The following RBFOX3 variants were observed in gnomAD, a reference collection of about 807,000 sequenced individuals.
RBFOX3 encodes the protein RNA binding fox-1 homolog 3, also known as RNA binding protein fox-1 homolog 3.
RBFOX3 carries 17 observed loss-of-function variants against 48.7 expected under a neutral mutation model. The observed-to-expected ratio is 0.35, with a 90% CI of 0.24 to 0.52. The LOEUF is 0.52. RBFOX3 is among the 20% of genes least tolerant of loss of function. The pLI is 0.94. For missense variants in RBFOX3, 382 were observed against 497.5 expected, an observed-to-expected ratio of 0.77 and a Z score of 2.21; for synonymous variants, 212 against 209.5, an observed-to-expected ratio of 1.01 and a Z score of -0.10.
intron 2 of RBFOX3, among the ~76,000 whole-genome samples, chr17:79,327,017 G>A (rs1363829946): frequency 6.6e-6 from 1 of 152,220 alleles, no homozygotes; most frequent in African/African-American, 2.4e-5. Flanking sequence ...CCAAGCCCAT[G>A]CCTCCTGGCT....
chr17:79,144,206 C>A (rs573375665), intron 4 of RBFOX3, among the ~76,000 whole-genome samples: 1 of 152,340 alleles, frequency 6.6e-6, no homozygotes, highest in African/African-American at 2.4e-5. Context: ...GCCCTCCAAG[C>A]CGTCCTGGCA....
At chr17:79,518,676 C>T (rs1243814690) in intron 1 of RBFOX3, among the ~76,000 whole-genome samples, 2 of 152,248 alleles carry the variant, frequency 1.3e-5, no homozygotes, top group African/African-American at 4.8e-5. Context: ...CAAGCCAGGC[C>T]TCAGGCTCCC....
In RBFOX3 at chr17:79,209,580, G is replaced by A. The variant is rs1246855288; in HGVS notation, c.-34+26186C>T. ...CCTCTGCAGAGAGATGAACCACCTC[G>A]GTACCCCAGTGTCCAGCATAGGTGT... On this transcript the variant is annotated intron_variant, in intron 4 of 14. Coordinates refer to ENST00000693108, the MANE Select transcript of RBFOX3 (RefSeq NM_001350451.2). Among the ~76,000 whole-genome samples, 5 of 152,148 alleles carry A rather than the reference G, an allele frequency of 3.3e-5. No individual in the cohort carries two copies. The South Asian group carries it at 6.2e-4, about 19-fold the overall frequency.
chr17:79,221,921 G>C (rs898120878), intron 4 of RBFOX3, among the ~76,000 whole-genome samples: 4 of 152,206 alleles, frequency 2.6e-5, no homozygotes, highest in African/African-American at 4.8e-5. Flanking sequence ...GGTGCAGATG[G>C]GGAGGGGTGC....
chr17:79,318,158 G>A (rs2077806152), intron 2 of RBFOX3, among the ~76,000 whole-genome samples: 1 of 152,160 alleles, frequency 6.6e-6, no homozygotes, highest in Non-Finnish European at 1.5e-5. Context: ...CCATGGTGAT[G>A]GCTGATTCCT....
intron 4 of RBFOX3, among the ~76,000 whole-genome samples, chr17:79,226,447 G>C (rs563419142): frequency 6.6e-6 from 1 of 152,214 alleles, no homozygotes; most frequent in Non-Finnish European, 1.5e-5. Flanking sequence ...TGGTATTCAC[G>C]GGGAGGTGGG....
intron 4 of RBFOX3, among the ~76,000 whole-genome samples, chr17:79,138,654 C>T (rs1194234134): frequency 8.2e-6 from 1 of 122,582 alleles, no homozygotes; most frequent in Non-Finnish European, 1.9e-5. Context: ...CACGCACATA[C>T]ACAGCACATG....
At chr17:79,411,346 A>G (rs1164447171) in intron 2 of RBFOX3, among the ~76,000 whole-genome samples, 1 of 152,088 alleles carries the variant, frequency 6.6e-6, no homozygotes, top group African/African-American at 2.4e-5. Flanking sequence ...ACTGAGACTC[A>G]TTCTGGAATT....
intron 4 of RBFOX3, among the ~76,000 whole-genome samples, chr17:79,183,698 T>TGTGCGTGTGTGAGTGCGCGC (rs1372329831): frequency 6.6e-6 from 1 of 151,898 alleles, no homozygotes; most frequent in Non-Finnish European, 1.5e-5. Flanking sequence ...GAGTGGTGCG[T>TGTGCGTGTGTGAGTGCGCGC]GTGCGTGTGT....
chr17:79,274,465 G>C (rs73999978), intron 3 of RBFOX3, among the ~76,000 whole-genome samples: 1 of 152,158 alleles, frequency 6.6e-6, no homozygotes, highest in Non-Finnish European at 1.5e-5. Context: ...ACTCAGGCGC[G>C]AGGGAACTCC....
chr17:79,393,964 G>C (rs865877833), intron 2 of RBFOX3, among the ~76,000 whole-genome samples: 1 of 149,802 alleles, frequency 6.7e-6, no homozygotes, highest in Non-Finnish European at 1.5e-5. Flanking sequence ...CGGTCACCAC[G>C]CACATCGTCT....
intron 5 of RBFOX3, among the ~76,000 whole-genome samples, chr17:79,115,153 C>A (rs1450112384): frequency 6.6e-6 from 1 of 152,236 alleles, no homozygotes; most frequent in Non-Finnish European, 1.5e-5. Context: ...GAGGACACCT[C>A]CCAGCTGGGG....
At chr17:79,385,945 G>T (rs927089208) in intron 2 of RBFOX3, among the ~76,000 whole-genome samples, 30 of 145,102 alleles carry the variant, frequency 2.1e-4, no homozygotes, top group Non-Finnish European at 1.1e-4. Flanking sequence ...ATTGCGGACA[G>T]GAGCTCCATC....
At chr17:79,138,946 CCT>C (rs2041240352) in intron 4 of RBFOX3, among the ~76,000 whole-genome samples, 1 of 134,044 alleles carries the variant, frequency 7.5e-6, no homozygotes, top group African/African-American at 2.9e-5. Flanking sequence ...TTCACACCCC[CCT>C]CAGCCCCACA....
Position 79,390,305 on chromosome 17 carries a change from ACTT to A in RBFOX3, c.-174-82484_-174-82482del, listed in dbSNP as rs1219375768. ...TGGCAGACACCAGCATCCCGGGGGG[ACTT>A]CTTAGACTCCACTCTGAGTTTGGCT... On this transcript the variant is annotated intron_variant, in intron 2 of 14. Transcript: ENST00000693108. This position sits in a 1 kb window ranked among gnomAD's most constrained non-coding sequence, Gnocchi z 4.2. Among the ~76,000 whole-genome samples the A allele has an allele frequency of 6.6e-6, 1 of 151,796 alleles. No individual in the cohort carries two copies. Among genetic ancestry groups the A allele is most frequent in the African/African-American group, 2.4e-5 (1 of 41,276 alleles).
At chr17:79,412,408 GTGAA>G (rs1444727310) in intron 2 of RBFOX3, among the ~76,000 whole-genome samples, 1 of 151,436 alleles carries the variant, frequency 6.6e-6, no homozygotes, top group Non-Finnish European at 1.5e-5. Flanking sequence ...ATGGGTGTGA[GTGAA>G]TGTGTGTGAG....
intron 2 of RBFOX3, among the ~76,000 whole-genome samples, chr17:79,425,837 G>C (rs1477230943): frequency 2.0e-5 from 3 of 152,096 alleles, no homozygotes; most frequent in African/African-American, 7.2e-5. Flanking sequence ...GAGGATGGGG[G>C]GAGGAGAGGA....
chr17:79,250,808 TC>T (rs1197938676), intron 3 of RBFOX3, among the ~76,000 whole-genome samples: 2 of 108,974 alleles, frequency 1.8e-5, no homozygotes, highest in African/African-American at 7.1e-5. Context: ...CCTCCCTCCC[TC>T]CCTTTCTCTC....
At chr17:79,571,315 G>A in intron 1 of RBFOX3, among the ~76,000 whole-genome samples, 1 of 152,232 alleles carries the variant, frequency 6.6e-6, no homozygotes, top group African/African-American at 2.4e-5. Context: ...GGTCCTTGCT[G>A]TACAGCTGAC....
Sources: allele counts gnomAD v4.1 joint callset (sites outside exome capture counted in the v4.1 genomes callset), GRCh38; gene constraint gnomAD v4.1.1; non-coding constraint Gnocchi (gnomAD v3.1); transcripts MANE v1.5; gene names NCBI Gene and HGNC (gene_info 2026-07-23, HGNC 2026-07-21).